Variants in SNX29 observed in about 807,000 individuals in gnomAD.
SNX29 encodes the protein sorting nexin-29.
A neutral mutation model predicts 102.1 loss-of-function variants in SNX29; 78 were observed. The ratio of observed to expected loss-of-function variants is 0.76; its 90% confidence interval spans 0.64 to 0.92. SNX29 has a LOEUF of 0.92. Among genes scored for constraint, SNX29 ranks in the 40% least tolerant of loss-of-function variants. SNX29 has a pLI of 0.00. For missense variants in SNX29, 1,280 were observed against 1,061.7 expected, an observed-to-expected ratio of 1.21 and a Z score of -2.86; for synonymous variants, 580 against 414.5, an observed-to-expected ratio of 1.40 and a Z score of -4.85.
chr16:12,047,649 GTCTTTTTT>G (rs770582411), intron 6 of SNX29, among the ~76,000 whole-genome samples: 5 of 130,452 alleles, frequency 3.8e-5, no homozygotes, highest in Admixed American at 1.6e-4. Flanking sequence ...CTGGACCAAG[GTCTTTTTT>G]TTTTTTTTTT....
At chr16:12,565,033 C>T (rs766599243) in intron 20 of SNX29, among the ~76,000 whole-genome samples, 9 of 152,076 alleles carry the variant, frequency 5.9e-5, no homozygotes, top group Non-Finnish European at 1.2e-4. Flanking sequence ...CTGGGATGAG[C>T]CTGGCACTGG....
intron 11 of SNX29, among the ~76,000 whole-genome samples, chr16:12,094,212 T>C (rs2052676927): frequency 6.6e-6 from 1 of 152,170 alleles, no homozygotes; most frequent in Non-Finnish European, 1.5e-5. Context: ...AGATACACTA[T>C]GTAAATTACC....
At chr16:12,256,431 G>A (rs1012733129) in intron 14 of SNX29, among the ~76,000 whole-genome samples, 3 of 152,094 alleles carry the variant, frequency 2.0e-5, no homozygotes, top group South Asian at 4.1e-4. Context: ...TGGTTCAGGC[G>A]ATTCTCCTGC....
At position 12,565,908 on chromosome 16, in the gene SNX29, C is replaced by T. The variant is rs553771639; in HGVS notation, c.2319-2598C>T. On this transcript the variant is annotated intron_variant, in intron 20 of 20. Transcript: ENST00000566228. ...AGTTCCCTCTCATTGGGGCATCCACCGTGATCCACCACAGCCATCTGTCCA... is the reference window on the plus strand; with the variant it reads ...AGTTCCCTCTCATTGGGGCATCCACTGTGATCCACCACAGCCATCTGTCCA... Among the ~76,000 whole-genome samples, 23 of 152,350 alleles carry T rather than the reference C, an allele frequency of 1.5e-4. 1 individual carries two copies. Among genetic ancestry groups the T allele is most frequent in the East Asian group, 5.8e-4 (3 of 5,192 alleles).
intron 15 of SNX29, among the ~76,000 whole-genome samples, chr16:12,294,895 T>A (rs1043156863): frequency 2.1e-4 from 31 of 148,678 alleles, no homozygotes; most frequent in Non-Finnish European, 4.3e-4. Context: ...GTAATTTATT[T>A]AAAAAAAAAA....
chr16:12,223,582 T>A (rs1382901665), intron 14 of SNX29, among the ~76,000 whole-genome samples: 1 of 152,198 alleles, frequency 6.6e-6, no homozygotes, highest in Admixed American at 6.5e-5. Context: ...GAGAATCGCT[T>A]GAACCCAGGA....
chr16:12,380,734 TCCATCCATCCACCCA>T (rs2083072190), intron 16 of SNX29, among the ~76,000 whole-genome samples: 3 of 55,460 alleles, frequency 5.4e-5, no homozygotes, highest in African/African-American at 1.6e-4. Context: ...CCGCCATCCA[TCCATCCATCCACCCA>T]CCATCCATCC....
At chr16:12,530,561 G>GT (rs372967025) in intron 20 of SNX29, among the ~76,000 whole-genome samples, 28 of 146,058 alleles carry the variant, frequency 1.9e-4, no homozygotes, top group East Asian at 1.6e-3. Context: ...TTTGTTTTTT[G>GT]TTTTTTTTGG....
chr16:12,041,031 T>C (rs1368270208), intron 4 of SNX29, among the ~76,000 whole-genome samples: 1 of 152,128 alleles, frequency 6.6e-6, no homozygotes, highest in Non-Finnish European at 1.5e-5. Flanking sequence ...AGGATGGTCA[T>C]CTCTTGACCT....
intron 3 of SNX29, among the ~76,000 whole-genome samples, chr16:12,011,710 G>C (rs974366440): frequency 2.6e-5 from 4 of 152,160 alleles, no homozygotes; most frequent in African/African-American, 9.7e-5. Flanking sequence ...ACAGTGGAGA[G>C]AGGTGGTGAG....
Position 12,403,536 on chromosome 16 carries a change from G to T in SNX29, c.2037+7G>T, listed in dbSNP as rs2151513553. The T allele has an allele frequency of 1.3e-6, 2 of 1,599,894 alleles. No individual in the cohort carries two copies. Among genetic ancestry groups the T allele is most frequent in the East Asian group, 4.5e-5 (2 of 44,454 alleles). ...TGCATTCCACGTGTATCAGGTGAGT[G>T]CCTGGTTTTCAGGTGGACATCACAG... On this transcript the variant is annotated splice_region_variant and intron_variant, in intron 18 of 20. Transcript: ENST00000566228.
intron 19 of SNX29, among the ~76,000 whole-genome samples, chr16:12,489,482 C>A (rs1283856487): frequency 6.6e-6 from 1 of 152,146 alleles, no homozygotes; most frequent in Non-Finnish European, 1.5e-5. Flanking sequence ...TCAGATCCTG[C>A]CCCCTCCCAC....
intron 15 of SNX29, among the ~76,000 whole-genome samples, chr16:12,342,019 G>A (rs950827393): frequency 4.6e-5 from 7 of 152,202 alleles, no homozygotes; most frequent in Admixed American, 2.0e-4. Flanking sequence ...TGCTGAGAAC[G>A]TGAACTCTTT....
chr16:12,265,287 C>G (rs1293100067), intron 14 of SNX29, among the ~76,000 whole-genome samples: 1 of 152,156 alleles, frequency 6.6e-6, no homozygotes, highest in Non-Finnish European at 1.5e-5. Flanking sequence ...AAACATGAGT[C>G]TAAAGTTTCC....
At chr16:12,551,753 G>T (rs73510227) in intron 20 of SNX29, among the ~76,000 whole-genome samples, 1,850 of 152,324 alleles carry the variant, frequency 0.012, 35 homozygotes, top group African/African-American at 0.042. Flanking sequence ...CTTCCTGGCT[G>T]CCTTGTACAC....
chr16:12,282,241 C>T (rs2079458513), intron 15 of SNX29, among the ~76,000 whole-genome samples: 2 of 152,076 alleles, frequency 1.3e-5, no homozygotes, highest in Non-Finnish European at 2.9e-5. Context: ...TACCGATGTT[C>T]AAGAGAATGA....
At chr16:12,370,717 G>C (rs578145982) in intron 16 of SNX29, among the ~76,000 whole-genome samples, 1 of 152,204 alleles carries the variant, frequency 6.6e-6, no homozygotes, top group Admixed American at 6.5e-5. Context: ...TAATCTCCTA[G>C]TAAAAGTCAA....
intron 15 of SNX29, among the ~76,000 whole-genome samples, chr16:12,315,140 G>T (rs1288261036): frequency 1.3e-5 from 2 of 152,192 alleles, no homozygotes; most frequent in Non-Finnish European, 2.9e-5. Flanking sequence ...TTGTCTCAGG[G>T]GAATGATAGA....
intron 20 of SNX29, among the ~76,000 whole-genome samples, chr16:12,556,885 GTCTGTCTCCTC>G (rs879711549): frequency 0.011 from 1,696 of 151,806 alleles, 26 homozygotes; most frequent in African/African-American, 0.039. Flanking sequence ...TAGGGTCTCC[GTCTGTCTCCTC>G]ACCTTGAGTG....
Sources: gnomAD v4.1 joint callset for allele counts (sites outside exome capture counted in the v4.1 genomes callset) on GRCh38, gnomAD v4.1.1 for gene constraint, MANE v1.5 for transcripts, NCBI Gene and HGNC (gene_info 2026-07-23, HGNC 2026-07-21) for gene names.